VWA8: variants seen among roughly 807,000 people sequenced by gnomAD.
VWA8 encodes the protein von Willebrand factor A domain containing 8, also known as von Willebrand factor A domain-containing protein 8.
Under a neutral mutation model 241.5 loss-of-function variants are expected in VWA8, and 221 were observed. That is an observed-to-expected ratio of 0.91 (90% CI 0.82 to 1.02). The LOEUF is 1.02. Among genes scored for constraint, VWA8 ranks in the 50% least tolerant of loss-of-function variants. The pLI, the probability that VWA8 is intolerant of heterozygous loss-of-function variation, is 0.00. For missense variants in VWA8, 2,322 were observed against 2,328.7 expected, an observed-to-expected ratio of 1.00 and a Z score of 0.06; for synonymous variants, 852 against 827.1, an observed-to-expected ratio of 1.03 and a Z score of -0.52.
intron 25 of VWA8, among the ~76,000 whole-genome samples, chr13:41,720,754 G>T (rs1197717480): frequency 1.3e-5 from 2 of 152,128 alleles, no homozygotes; most frequent in Non-Finnish European, 2.9e-5. Flanking sequence ...GAGGGTTGGG[G>T]ATAAGGCAGA....
intron 21 of VWA8, among the ~76,000 whole-genome samples, chr13:41,732,654 G>T (rs1226144049): frequency 6.6e-6 from 1 of 152,002 alleles, no homozygotes; most frequent in Non-Finnish European, 1.5e-5. Context: ...CTATCACACC[G>T]CTTGCCAAGA....
At chr13:41,931,900 T>C (rs1442852206) in intron 2 of VWA8, among the ~76,000 whole-genome samples, 3 of 152,006 alleles carry the variant, frequency 2.0e-5, no homozygotes, top group Non-Finnish European at 2.9e-5. Flanking sequence ...AGCTTCTGCC[T>C]TAAAAGACTA....
chr13:41,897,281 C>T (rs957910274), intron 4 of VWA8, among the ~76,000 whole-genome samples: 3 of 151,774 alleles, frequency 2.0e-5, no homozygotes, highest in Non-Finnish European at 4.4e-5. Flanking sequence ...CAAAAGAAGA[C>T]GTACAGATGG....
chr13:41,880,136 C>A (rs766038747), intron 9 of VWA8, among the ~76,000 whole-genome samples: 52 of 152,254 alleles, frequency 3.4e-4, no homozygotes, highest in Non-Finnish European at 5.7e-4. Flanking sequence ...GTATTATAAA[C>A]CACTTATGAC....
chr13:41,864,973 G>C (rs907888868), intron 12 of VWA8, among the ~76,000 whole-genome samples: 4 of 115,664 alleles, frequency 3.5e-5, no homozygotes, highest in African/African-American at 1.3e-4. Context: ...CTGGGCAAAA[G>C]AGTGAAACTC....
At chr13:41,602,037 A>G (rs1403790077) in intron 40 of VWA8, among the ~76,000 whole-genome samples, 2 of 152,080 alleles carry the variant, frequency 1.3e-5, no homozygotes, top group Non-Finnish European at 2.9e-5. Context: ...AAGATGGCAA[A>G]ATGGGACCAA....
At chr13:41,759,342 T>C (rs552559367) in intron 21 of VWA8, among the ~76,000 whole-genome samples, 1 of 151,714 alleles carries the variant, frequency 6.6e-6, no homozygotes, top group South Asian at 2.1e-4. Context: ...TTTTTTCCTC[T>C]GGTAATTTTA....
chr13:41,593,873 T>G (rs188329949), intron 40 of VWA8, among the ~76,000 whole-genome samples: 2 of 152,298 alleles, frequency 1.3e-5, no homozygotes, highest in African/African-American at 4.8e-5. Flanking sequence ...CTTGGATTCT[T>G]GGGCCGGGTT....
chr13:41,614,905 G>A (rs1375610666), intron 38 of VWA8, 71 bp downstream of exon 38: 2 of 1,449,356 alleles, frequency 1.4e-6, no homozygotes, highest in Non-Finnish European at 1.9e-6. Context: ...CTTCTCAGGG[G>A]CGATGTGCTG....
chr13:41,723,383 T>C (rs116498004), intron 24 of VWA8, among the ~76,000 whole-genome samples: 58 of 152,306 alleles, frequency 3.8e-4, no homozygotes, highest in African/African-American at 1.3e-3. Flanking sequence ...GAGTCTAGTG[T>C]CTTCTGCCAT....
intron 17 of VWA8, among the ~76,000 whole-genome samples, chr13:41,803,422 A>G (rs1028995204): frequency 6.6e-6 from 1 of 152,180 alleles, no homozygotes; most frequent in Non-Finnish European, 1.5e-5. Context: ...AGACTGGGAA[A>G]TTTACAAAAG....
At chr13:41,651,958 T>C (rs2044872205) in intron 37 of VWA8, among the ~76,000 whole-genome samples, 1 of 152,256 alleles carries the variant, frequency 6.6e-6, no homozygotes, top group African/African-American at 2.4e-5. Context: ...TTACTCCCAG[T>C]GTGAAACATT....
intron 43 of VWA8, among the ~76,000 whole-genome samples, chr13:41,575,046 A>G (rs998699596): frequency 6.6e-6 from 1 of 152,222 alleles, no homozygotes; most frequent in African/African-American, 2.4e-5. Flanking sequence ...GTGATAAAGA[A>G]AATGTATATA....
intron 43 of VWA8, 45 bp downstream of exon 43, chr13:41,575,695 C>T: frequency 1.4e-6 from 2 of 1,434,794 alleles, no homozygotes; most frequent in South Asian, 1.2e-5. Context: ...CTTTACCTAA[C>T]CTGATAGAAG....
rs1878044499 is a variant in VWA8, at chr13:41,949,895, G to A, written c.241+41C>T. 3 of 1,237,482 alleles carry A rather than the reference G, an allele frequency of 2.4e-6. No individual in the cohort carries two copies. In the South Asian group the frequency reaches 4.3e-5, roughly 18 times the overall value. 76.7% of individuals were successfully genotyped at this position (1,237,482 alleles called of 1,614,324 possible). A position where few individuals can be genotyped will look rare whatever the true frequency, so the allele number is the denominator to read the frequency against. ...ACTTTGAAAATTCCTATAATGAAAA[G>A]TTAAAAGTTATTCATTCATATATTA... On this transcript the variant is annotated intron_variant, in intron 2 of 44. Transcript: ENST00000379310.
rs1241158659 is a variant in VWA8, at chr13:41,748,842, A to T, written c.2426+12286T>A. 9.2e-5 allele frequency among the ~76,000 whole-genome samples: 14 copies of T among 152,216 alleles called. No individual in the cohort carries two copies. In the South Asian group the frequency reaches 1.2e-3, roughly 14 times the overall value. ...TGAAACTGGATCCCTTCCTTACACCATATACAAAAATTAATTCAAGATGGA... is the reference window on the plus strand; with the variant it reads ...TGAAACTGGATCCCTTCCTTACACCTTATACAAAAATTAATTCAAGATGGA... On this transcript the variant is annotated intron_variant, in intron 21 of 44. Transcript: ENST00000379310.
At chr13:41,779,489 C>T (rs1868790149) in intron 19 of VWA8, among the ~76,000 whole-genome samples, 1 of 151,920 alleles carries the variant, frequency 6.6e-6, no homozygotes, top group Non-Finnish European at 1.5e-5. Flanking sequence ...ATATAATTGT[C>T]TATTCTTGAA....
chr13:41,651,963 A>C (rs1230254782), intron 37 of VWA8, among the ~76,000 whole-genome samples: 1 of 152,226 alleles, frequency 6.6e-6, no homozygotes, highest in Non-Finnish European at 1.5e-5. Flanking sequence ...CCCAGTGTGA[A>C]ACATTCTGAA....
At chr13:41,780,768 T>C (rs1333300212) in intron 19 of VWA8, among the ~76,000 whole-genome samples, 2 of 152,222 alleles carry the variant, frequency 1.3e-5, no homozygotes, top group African/African-American at 4.8e-5. Context: ...ACAAAGGTCA[T>C]TGCTTACATT....
Sources: allele counts gnomAD v4.1 joint callset (sites outside exome capture counted in the v4.1 genomes callset), GRCh38; gene constraint gnomAD v4.1.1; transcripts MANE v1.5; gene names NCBI Gene and HGNC (gene_info 2026-07-23, HGNC 2026-07-21).